FRYL: variants seen among roughly 807,000 people sequenced by gnomAD.
The protein encoded by FRYL is protein furry homolog-like.
FRYL carries 150 observed loss-of-function variants against 351.2 expected under a neutral mutation model. The observed-to-expected ratio is 0.43, with a 90% CI of 0.37 to 0.49. FRYL has a LOEUF of 0.49. FRYL is among the 20% of genes least tolerant of loss of function. FRYL has a pLI of 0.00. For synonymous variants in FRYL, 1,153 were observed against 1,257.1 expected, an observed-to-expected ratio of 0.92 and a Z score of 1.75; for missense variants, 3,036 against 3,619.3, an observed-to-expected ratio of 0.84 and a Z score of 4.13.
At chr4:48,535,359 T>C (rs1317747507) in intron 48 of FRYL, among the ~76,000 whole-genome samples, 1 of 152,120 alleles carries the variant, frequency 6.6e-6, no homozygotes, top group Non-Finnish European at 1.5e-5. Flanking sequence ...TTAAGGACAG[T>C]AAATAAGGAT....
intron 3 of FRYL, among the ~76,000 whole-genome samples, chr4:48,669,648 TTA>T (rs987097748): frequency 3.2e-4 from 48 of 148,064 alleles, no homozygotes; most frequent in South Asian, 4.2e-4. Flanking sequence ...TAAATAAAAA[TTA>T]TATATCTCAT....
At chr4:48,701,404 T>C (rs1766701872) in intron 2 of FRYL, among the ~76,000 whole-genome samples, 1 of 152,116 alleles carries the variant, frequency 6.6e-6, no homozygotes, top group Admixed American at 6.5e-5. Flanking sequence ...AGTTACACAA[T>C]ACTAAGCCAC....
chr4:48,562,095 C>A (rs1438520833), intron 32 of FRYL, among the ~76,000 whole-genome samples: 1 of 152,134 alleles, frequency 6.6e-6, no homozygotes, highest in Admixed American at 6.6e-5. Flanking sequence ...TGCCAATGAT[C>A]CAGGTTAGTA....
At chr4:48,583,688 A>C (rs1381696975) in intron 19 of FRYL, among the ~76,000 whole-genome samples, 1 of 152,018 alleles carries the variant, frequency 6.6e-6, no homozygotes, top group African/African-American at 2.4e-5. Context: ...GAATCACTTG[A>C]GGTCGGGAGT....
intron 1 of FRYL, among the ~76,000 whole-genome samples, chr4:48,715,700 A>T (rs950546147): frequency 6.6e-6 from 1 of 152,320 alleles, no homozygotes; most frequent in Non-Finnish European, 1.5e-5. Context: ...CATACTGCCC[A>T]AGGTAATTTA....
intron 3 of FRYL, among the ~76,000 whole-genome samples, chr4:48,657,858 T>C (rs570486415): frequency 2.0e-5 from 3 of 152,350 alleles, no homozygotes; most frequent in South Asian, 2.1e-4. Context: ...ACTAAAGATT[T>C]GACACAAAAG....
At chr4:48,742,989 T>A (rs939000561) in intron 1 of FRYL, among the ~76,000 whole-genome samples, 4 of 140,632 alleles carry the variant, frequency 2.8e-5, no homozygotes, top group South Asian at 2.3e-4. Flanking sequence ...TTTTTTTTTT[T>A]TTTTTTTTTA....
At chr4:48,720,611 T>A (rs1440586717) in intron 1 of FRYL, among the ~76,000 whole-genome samples, 4 of 152,234 alleles carry the variant, frequency 2.6e-5, no homozygotes, top group Non-Finnish European at 5.9e-5. Context: ...TCTTTTCATC[T>A]TACAAAACTG....
rs940764518 is a variant in FRYL at position 48,498,648 on chromosome 4, A to G, written c.*774T>C. The G allele has an allele frequency of 6.5e-6, 1 of 152,674 alleles. No individual in the cohort carries two copies. Among genetic ancestry groups the G allele is most frequent in the African/African-American group, 2.4e-5 (1 of 41,468 alleles). 9.5% of individuals were successfully genotyped at this position (152,674 alleles called of 1,614,324 possible). ...TCTTTTTGAAATACTGGGAAAGCCC[A>G]GTTTTAAAATATTATTAAAATGTTC... On this transcript the variant is annotated 3_prime_UTR_variant, in exon 64 of 64. Transcript: ENST00000358350.
intron 7 of FRYL, among the ~76,000 whole-genome samples, chr4:48,617,358 T>G (rs2149310278): frequency 6.6e-6 from 1 of 151,510 alleles, no homozygotes; most frequent in African/African-American, 2.4e-5. Context: ...TTTTTTTTTT[T>G]TTTTTAAAGA....
At position 48,565,588 on chromosome 4, in the gene FRYL, C is replaced by G. The variant is rs763259903; in HGVS notation, c.3273G>C (p.Leu1091Phe). ...GCATATTTCTATCACTGTATCTGTC[C>G]AAGGGCGTAAACATGATGCTAAAAG... Reference protein sequence around the residue: ...AGPFSIMFTPLDRYSDRNMQI... With the variant: ...AGPFSIMFTPFDRYSDRNMQI... The change falls in exon 29 of 64, where the codon TTG (leucine) becomes TTC (phenylalanine). Residue 1091 changes from leucine to phenylalanine, a missense_variant. This residue lies in a region of FRYL where 1,987 missense variants were observed against 2,311.7 expected (regional missense o/e 0.86). Coordinates refer to ENST00000358350, the MANE Select transcript of FRYL (RefSeq NM_015030.2). The G allele has an allele frequency of 6.2e-7, 1 of 1,613,646 alleles. No individual in the cohort carries two copies. The highest frequency in any genetic ancestry group is 1.1e-5 in the South Asian group (1 of 91,014).
intron 43 of FRYL, 23 bp downstream of exon 43, chr4:48,544,760 C>A: frequency 6.4e-7 from 1 of 1,554,036 alleles, no homozygotes; most frequent in Non-Finnish European, 8.6e-7. Flanking sequence ...GTCACTAAAA[C>A]TAAAATATTT....
intron 1 of FRYL, among the ~76,000 whole-genome samples, chr4:48,769,185 A>ATGAAAGATCTATTAAGAGG (rs1775274440): frequency 6.6e-6 from 1 of 152,222 alleles, no homozygotes; most frequent in Admixed American, 6.5e-5. Flanking sequence ...GTTCTGTTCT[A>ATGAAAGATCTATTAAGAGG]TGAAAGATCT....
intron 63 of FRYL, 64 bp from the exon 64 acceptor site, chr4:48,499,744 A>AAGTT: frequency 7.0e-7 from 1 of 1,431,614 alleles, no homozygotes; most frequent in Non-Finnish European, 9.6e-7. Flanking sequence ...AACTCAATTT[A>AAGTT]AGTTAAATAC....
At chr4:48,680,440 C>G (rs1370452458) in intron 3 of FRYL, among the ~76,000 whole-genome samples, 1 of 151,764 alleles carries the variant, frequency 6.6e-6, no homozygotes, top group African/African-American at 2.4e-5. Flanking sequence ...TTATATTTAC[C>G]TTTGCAGGAT....
intron 1 of FRYL, among the ~76,000 whole-genome samples, chr4:48,761,001 CTCTG>C (rs201619388): frequency 0.021 from 2,784 of 132,154 alleles, 79 homozygotes; most frequent in African/African-American, 0.066. Context: ...TCTATTATTA[CTCTG>C]TCTGTGTGTG....
At chr4:48,698,913 A>G (rs867012835) in intron 2 of FRYL, among the ~76,000 whole-genome samples, 1 of 152,152 alleles carries the variant, frequency 6.6e-6, no homozygotes, top group African/African-American at 2.4e-5. Flanking sequence ...CACTCTAACA[A>G]ATGGTGCCCT....
chr4:48,526,969 C>G (rs1315004287), intron 53 of FRYL, among the ~76,000 whole-genome samples: 1 of 151,980 alleles, frequency 6.6e-6, no homozygotes, highest in East Asian at 1.9e-4. Context: ...AAAGACAAAC[C>G]CTTTGTGATA....
At chr4:48,677,834 T>C (rs1300917548) in intron 3 of FRYL, among the ~76,000 whole-genome samples, 2 of 152,262 alleles carry the variant, frequency 1.3e-5, no homozygotes, top group African/African-American at 4.8e-5. Flanking sequence ...TCTTTGCATC[T>C]TTTTACATGA....
Sources: gnomAD v4.1 joint callset for allele counts (sites outside exome capture counted in the v4.1 genomes callset) on GRCh38, gnomAD v4.1.1 for gene constraint, gnomAD v4.1.1 regional missense constraint, MANE v1.5 for transcripts, NCBI Gene and HGNC (gene_info 2026-07-23, HGNC 2026-07-21) for gene names.